Variants in CDH3 observed in about 807,000 individuals in gnomAD.
The protein encoded by CDH3 is cadherin 3.
Under a neutral mutation model 82.0 loss-of-function variants are expected in CDH3, and 54 were observed. The observed-to-expected ratio is 0.66, with a 90% CI of 0.53 to 0.83. CDH3 has a LOEUF of 0.83. Ranked by LOEUF, CDH3 falls within the 40% of genes least tolerant of loss-of-function variation. The pLI, the probability that CDH3 is intolerant of heterozygous loss-of-function variation, is 0.00. For synonymous variants in CDH3, 446 were observed against 437.9 expected (o/e 1.02, Z -0.23); for missense variants, 1,054 against 1,084.6 (o/e 0.97, Z 0.40).
chr16:68,651,643 G>A (rs1032103402), intron 2 of CDH3: 9 of 507,520 alleles, frequency 1.8e-5, no homozygotes, highest in African/African-American at 1.8e-4. Context: ...GCCTCAAACA[G>A]GTCCATGGGG....
chr16:68,706,549 T>C (rs1961966758), intron 1 of CDH3, among the ~76,000 whole-genome samples: 1 of 133,324 alleles, frequency 7.5e-6, no homozygotes, highest in Non-Finnish European at 1.6e-5. Flanking sequence ...ATTTCCTTTT[T>C]TTTTTTTTTT....
At chr16:68,652,798 T>G (rs1388596248) in intron 2 of CDH3, among the ~76,000 whole-genome samples, 2 of 152,194 alleles carry the variant, frequency 1.3e-5, no homozygotes, top group Non-Finnish European at 2.9e-5. Context: ...GAACTTTCTG[T>G]AAGAGGATCA....
intron 1 of CDH3, among the ~76,000 whole-genome samples, chr16:68,717,752 GA>G (rs1049137965): frequency 1.3e-5 from 2 of 150,542 alleles, no homozygotes; most frequent in Non-Finnish European, 3.0e-5. Context: ...CAGCCTGGGG[GA>G]TAAGAGCGAG....
chr16:68,700,626 C>T (rs575553627), downstream of CDH3, among the ~76,000 whole-genome samples: 12 of 152,314 alleles, frequency 7.9e-5, no homozygotes, highest in South Asian at 2.1e-4. Context: ...CTGATCCGCC[C>T]GCCTCGGCCT....
At chr16:68,664,897 G>T (rs1030542874) in intron 2 of CDH3, among the ~76,000 whole-genome samples, 2 of 151,912 alleles carry the variant, frequency 1.3e-5, no homozygotes, top group African/African-American at 4.8e-5. Flanking sequence ...TGACCCACCC[G>T]CCTTGGCCTC....
At chr16:68,693,768 C>T (rs981217926) in intron 13 of CDH3, among the ~76,000 whole-genome samples, 2 of 152,168 alleles carry the variant, frequency 1.3e-5, no homozygotes, top group African/African-American at 4.8e-5. Context: ...AAGTAATGAT[C>T]CTGAGCAGTG....
At chr16:68,647,322 T>G (rs1597786526) in intron 2 of CDH3, among the ~76,000 whole-genome samples, 1 of 141,986 alleles carries the variant, frequency 7.0e-6, no homozygotes, top group Non-Finnish European at 1.5e-5. Context: ...GCCTTGAGTG[T>G]TGTCTGTACC....
At chr16:68,663,745 C>G (rs1229461550) in intron 2 of CDH3, among the ~76,000 whole-genome samples, 2 of 151,978 alleles carry the variant, frequency 1.3e-5, no homozygotes, top group Non-Finnish European at 2.9e-5. Context: ...AAGGAAGAAG[C>G]AGCTGCTAGC....
downstream of CDH3, among the ~76,000 whole-genome samples, chr16:68,727,631 C>T (rs995706938): frequency 1.3e-5 from 2 of 151,942 alleles, no homozygotes; most frequent in Admixed American, 6.6e-5. Context: ...AAACAGGGCT[C>T]GGTGCGGTGG....
At chr16:68,689,319 G>A (rs1961498716) in intron 12 of CDH3, among the ~76,000 whole-genome samples, 1 of 152,046 alleles carries the variant, frequency 6.6e-6, no homozygotes, top group African/African-American at 2.4e-5. Flanking sequence ...GGATCACGAG[G>A]TCAAGAGGTC....
intron 1 of CDH3, among the ~76,000 whole-genome samples, chr16:68,706,037 C>T (rs1961958094): frequency 6.8e-6 from 1 of 146,944 alleles, no homozygotes. Flanking sequence ...TGCACTCCAG[C>T]CTGGGGAACA....
downstream of CDH3, among the ~76,000 whole-genome samples, chr16:68,701,410 C>T (rs1228109438): frequency 2.0e-5 from 3 of 152,218 alleles, no homozygotes; most frequent in Admixed American, 1.3e-4. Flanking sequence ...CCAGCGCTAA[C>T]CACGCAGAGT....
chr16:68,686,935 T>A (rs774413332), intron 11 of CDH3, among the ~76,000 whole-genome samples: 42 of 152,304 alleles, frequency 2.8e-4, no homozygotes, highest in Middle Eastern at 6.8e-3. Context: ...GCCACTGCAC[T>A]CCAGCCTGGG....
intron 2 of CDH3, among the ~76,000 whole-genome samples, chr16:68,660,637 T>C (rs1488548932): frequency 1.3e-5 from 2 of 152,170 alleles, no homozygotes; most frequent in African/African-American, 4.8e-5. Flanking sequence ...ACAGGGTGGT[T>C]GCATTTATAT....
chr16:68,727,315 T>C (rs1016151037), exon 3 of CDH3, among the ~76,000 whole-genome samples: 1 of 152,212 alleles, frequency 6.6e-6, no homozygotes, highest in Non-Finnish European at 1.5e-5. Flanking sequence ...TTCTCCAGCT[T>C]GTAGATGGCT....
intron 9 of CDH3, 116 bp downstream of exon 9, chr16:68,682,603 G>A: frequency 1.1e-6 from 1 of 933,048 alleles, no homozygotes; most frequent in Admixed American, 1.9e-5. Flanking sequence ...CCAGCCCAGT[G>A]GCTCCCAACA....
rs1488836597 is a variant in CDH3 at position 68,710,669 on chromosome 16, C to T, written c.100-11756C>T. On this transcript the variant is annotated intron_variant, in intron 1 of 2. Coordinates refer to the CDH3 transcript ENST00000569080. ...GACCAGCCTGGCCAACATGGCAAAA[C>T]CCCGTCTCTACTAAAAATACAAAAA... 4.0e-5 allele frequency among the ~76,000 whole-genome samples: 6 copies of T among 151,464 alleles called. No individual in the cohort carries two copies. The Admixed American group carries it at 4.0e-4, about 10-fold the overall frequency.
chr16:68,704,312 C>T (rs1348650834), downstream of CDH3, among the ~76,000 whole-genome samples: 1 of 151,688 alleles, frequency 6.6e-6, no homozygotes, highest in East Asian at 1.9e-4. Flanking sequence ...GGGTTAATAT[C>T]TGTAAGGGCT....
At chr16:68,674,001 T>A (rs920014082) in intron 2 of CDH3, among the ~76,000 whole-genome samples, 2 of 152,232 alleles carry the variant, frequency 1.3e-5, no homozygotes, top group African/African-American at 4.8e-5. Context: ...TAAAAATGAA[T>A]GCATAAGTAT....
Sources: gnomAD v4.1 joint callset for allele counts (sites outside exome capture counted in the v4.1 genomes callset) on GRCh38, gnomAD v4.1.1 for gene constraint, MANE v1.5 for transcripts, NCBI Gene and HGNC (gene_info 2026-07-23, HGNC 2026-07-21) for gene names.